GNB2: variants seen among roughly 807,000 people sequenced by gnomAD.
GNB2 encodes G protein subunit beta 2, also known as guanine nucleotide-binding protein G(I)/G(S)/G(T) subunit beta-2.
Under a neutral mutation model 40.7 loss-of-function variants are expected in GNB2, and 7 were observed. That is an observed-to-expected ratio of 0.17 (90% CI 0.10 to 0.32). The LOEUF (loss-of-function observed/expected upper bound fraction) is 0.32, where lower values mean the gene tolerates loss of function less well. Among genes scored for constraint, GNB2 ranks in the 10% least tolerant of loss-of-function variants. The probability of loss-of-function intolerance (pLI) is 1.00; values close to 1 mark genes in which losing one functional copy is unlikely to be tolerated. For missense variants in GNB2, 286 were observed against 473.0 expected, an observed-to-expected ratio of 0.60 and a Z score of 3.67; for synonymous variants, 254 against 191.2, an observed-to-expected ratio of 1.33 and a Z score of -2.71.
chr7:100,679,001 G>C lies in GNB2; in HGVS notation c.*200G>C, dbSNP rs565033701. 3.0e-4 allele frequency: 172 copies of C among 572,820 alleles called. 1 individual carries two copies. Among genetic ancestry groups the C allele is most frequent in the East Asian group, 8.2e-4 (29 of 35,446 alleles). 35.5% of individuals were successfully genotyped at this position (572,820 alleles called of 1,614,324 possible). A position where few individuals can be genotyped will look rare whatever the true frequency, so the allele number is the denominator to read the frequency against. On this transcript the variant is annotated 3_prime_UTR_variant, in exon 10 of 10. Transcript: ENST00000303210. ...AGGGGATGGAATGGGGGAAGAGGAGGAGCAGGAGGCCCTCATCCTTCTGCT... is the reference window on the plus strand; with the variant it reads ...AGGGGATGGAATGGGGGAAGAGGAGCAGCAGGAGGCCCTCATCCTTCTGCT...
In GNB2 at chr7:100,676,253, C is replaced by G. The variant is rs754864051; in HGVS notation, c.-13C>G. The stretch of plus-strand genomic sequence containing the variant: ...CCCAGCCGCCCCCAACCCTGCCCCA[C>G]GGGCCCGGCGCCATGAGTGAGCTGG... On this transcript the variant is annotated 5_prime_UTR_variant, in exon 2 of 10. Coordinates refer to ENST00000303210, the MANE Select transcript of GNB2 (RefSeq NM_005273.4). The G allele has an allele frequency of 6.3e-7, 1 of 1,590,764 alleles. No homozygotes were observed. The highest frequency in any genetic ancestry group is 1.7e-5 in the Admixed American group (1 of 57,930).
At chr7:100,676,438 A>G (rs1209966363) in intron 2 of GNB2, 97 bp from the exon 3 acceptor site, 1 of 1,323,124 alleles carries the variant, frequency 7.6e-7, no homozygotes, top group Admixed American at 1.7e-5. Flanking sequence ...ATGGCTCAGA[A>G]TCTGACCCTG....
Position 100,678,199 on chromosome 7 carries a change from T to C in GNB2, c.599T>C (p.Val200Ala). 8.1e-6 allele frequency: 13 copies of C among 1,613,966 alleles called. No individual in the cohort carries two copies. The highest frequency in any genetic ancestry group is 1.1e-5 in the Non-Finnish European group (13 of 1,179,836). ...LSLAPDGRTF[V>A]SGACDASIKL... ...CTGGCCCCCGATGGCCGCACGTTTG[T>C]GTCAGGCGCCTGTGATGCCTCTATC... is the stretch of plus-strand genomic sequence containing the variant. Residue 200 changes from valine to alanine, a missense_variant, in exon 8 of 10, where the codon GTG (valine) becomes GCG (alanine). Val to Ala is a moderately conservative substitution (Grantham distance 64). Transcript: ENST00000303210.
chr7:100,676,776 C>T lies in GNB2; in HGVS notation c.180C>T (p.Ala60=), dbSNP rs1336515391. ...GTGGGCACCTGGCAAAGATCTATGC[C>T]ATGCACTGGGGGACCGACTCAAGGT... The part of the protein sequence containing the change: ...TLRGHLAKIY[A]MHWGTDSRLL... The change falls in exon 4 of 10, where the codon GCC becomes GCT. Residue 60 remains alanine, a synonymous_variant. Coordinates refer to ENST00000303210, the MANE Select transcript of GNB2 (RefSeq NM_005273.4). 1.9e-6 allele frequency: 3 copies of T among 1,591,464 alleles called. No individual in the cohort carries two copies. Among genetic ancestry groups the T allele is most frequent in the South Asian group, 1.1e-5 (1 of 88,960 alleles).
chr7:100,678,392 C>T lies in GNB2; in HGVS notation c.700-6C>T, dbSNP rs369459358. On this transcript the variant is annotated splice_polypyrimidine_tract_variant and splice_region_variant and intron_variant, in intron 8 of 9. Transcript: ENST00000303210. ...CCTCACCCCATCTGGGTCCCGTGTC[C>T]TGCAGTTCTTCCCCAACGGCTACGC... 8.1e-6 allele frequency: 13 copies of T among 1,612,206 alleles called. No homozygotes were observed. Among genetic ancestry groups the T allele is most frequent in the East Asian group, 4.5e-5 (2 of 44,878 alleles).
chr7:100,676,440 C>T, intron 2 of GNB2, 95 bp from the exon 3 acceptor site: 1 of 1,312,272 alleles, frequency 7.6e-7, no homozygotes, highest in Non-Finnish European at 1.1e-6. Context: ...GGCTCAGAAT[C>T]TGACCCTGTC....
chr7:100,678,346 G>C (rs114089976), intron 8 of GNB2, 47 bp downstream of exon 8: 15 of 1,603,886 alleles, frequency 9.4e-6, no homozygotes, highest in African/African-American at 2.7e-5. Flanking sequence ...CCAGGCTCCC[G>C]GCCCTGCTCC....
chr7:100,676,214 CCCGT>C lies in GNB2; in HGVS notation c.-49_-46del. Reference sequence around the variant, plus strand: ...CGGCCAGGAGCTGCCTCCCCCAGCCCCCGTCCCGCGGCCCCCAGCCGCCCCCAAC... The same window carrying C: ...CGGCCAGGAGCTGCCTCCCCCAGCCCCCCGCGGCCCCCAGCCGCCCCCAAC... On this transcript the variant is annotated 5_prime_UTR_variant, in exon 2 of 10. Transcript: ENST00000303210. 2 of 1,168,486 alleles carry C rather than the reference CCCGT, an allele frequency of 1.7e-6. No homozygotes were observed. Among genetic ancestry groups the C allele is most frequent in the Non-Finnish European group, 2.5e-6 (2 of 809,170 alleles). The allele number at this position is 1,168,486 out of a possible 1,614,324, so 72.4% of individuals were successfully genotyped here. A position where few individuals can be genotyped will look rare whatever the true frequency, so the allele number is the denominator to read the frequency against.
rs192179616 is a variant in GNB2, at chr7:100,678,680, C to A, written c.917-15C>A. On this transcript the variant is annotated splice_polypyrimidine_tract_variant and intron_variant, in intron 9 of 9. Transcript: ENST00000303210. ...GCCCAGGCCCAATGGGTTCTGACTT[C>A]TCTCTTCTTCACAGGAGTCCTCGCT... 6.2e-7 allele frequency: 1 copy of A among 1,611,904 alleles called. No homozygotes were observed. The highest frequency in any genetic ancestry group is 1.7e-5 in the Admixed American group (1 of 60,002).
chr7:100,677,969 C>A (rs1804392409), intron 7 of GNB2, 129 bp from the exon 8 acceptor site: 1 of 1,016,756 alleles, frequency 9.8e-7, no homozygotes, highest in Admixed American at 2.0e-5. Context: ...CCCCTCCCCA[C>A]CTAAGGCTCT....
chr7:100,678,765 G>A lies in GNB2; in HGVS notation c.987G>A (p.Thr329=), dbSNP rs376511800. 38 of 1,613,480 alleles carry A rather than the reference G, an allele frequency of 2.4e-5. No homozygotes were observed. The African/African-American group carries it at 2.7e-4, about 11-fold the overall frequency. ...CCGACGATGGCATGGCTGTGGCCAC[G>A]GGCTCCTGGGACTCCTTCCTCAAGA... The part of the protein sequence containing the change: ...GVTDDGMAVA[T]GSWDSFLKIW... Residue 329 remains threonine, a synonymous_variant, in exon 10 of 10, where the codon ACG becomes ACA. Transcript: ENST00000303210.
chr7:100,676,608 G>C lies in GNB2; in HGVS notation c.96+35G>C, dbSNP rs756488674. 6 of 1,587,392 alleles carry C rather than the reference G, an allele frequency of 3.8e-6. No homozygotes were observed. In the Admixed American group the frequency reaches 8.3e-5, roughly 22 times the overall value. Reference sequence around the variant, plus strand: ...CTTGGTGGCCAGAGCGTAACTAGGGGTTGAAGGGGCAAGGATCAGAGGCCG... The same window carrying C: ...CTTGGTGGCCAGAGCGTAACTAGGGCTTGAAGGGGCAAGGATCAGAGGCCG... On this transcript the variant is annotated intron_variant, in intron 3 of 9. Transcript: ENST00000303210.
At chr7:100,678,070 C>T (rs766442414) in intron 7 of GNB2, 28 bp from the exon 8 acceptor site, 17 of 1,571,360 alleles carry the variant, frequency 1.1e-5, no homozygotes, top group Non-Finnish European at 1.3e-5. Context: ...TGTCTCTTAT[C>T]TTTTCTTTCT....
intron 1 of GNB2, among the ~76,000 whole-genome samples, chr7:100,674,204 TGGG>T (rs1405806136): frequency 6.6e-6 from 1 of 151,854 alleles, no homozygotes; most frequent in Non-Finnish European, 1.5e-5. Context: ...CCTCGGAAGT[TGGG>T]GGGCTAAATT....
intron 5 of GNB2, 29 bp downstream of exon 5, chr7:100,677,444 C>T (rs1456674548): frequency 6.2e-7 from 1 of 1,612,852 alleles, no homozygotes; most frequent in South Asian, 1.1e-5. Context: ...CGGGGTGGGG[C>T]AGGGCCACAG....
rs975465642 is a variant in GNB2 at position 100,676,164 on chromosome 7, C to T, written c.-89-13C>T. 96 of 680,382 alleles carry T rather than the reference C, an allele frequency of 1.4e-4. No homozygotes were observed. The African/African-American group carries it at 1.7e-3, about 12-fold the overall frequency. 42.1% of individuals were successfully genotyped at this position (680,382 alleles called of 1,614,324 possible). A position where few individuals can be genotyped will look rare whatever the true frequency, so the allele number is the denominator to read the frequency against. On this transcript the variant is annotated splice_polypyrimidine_tract_variant and intron_variant, in intron 1 of 9. Coordinates refer to ENST00000303210, the MANE Select transcript of GNB2 (RefSeq NM_005273.4). ...GGCGGCCTCGGGCCTGACGTCAGCC[C>T]TGCATCCCCCAGGCCTCGGGCCAGC...
rs750166554 is a variant in GNB2 at position 100,676,816 on chromosome 7, G to A, written c.203+17G>A. The A allele has an allele frequency of 3.5e-6, 5 of 1,448,804 alleles. No individual in the cohort carries two copies. Among genetic ancestry groups the A allele is most frequent in the Non-Finnish European group, 1.9e-6 (2 of 1,057,712 alleles). 89.7% of individuals were successfully genotyped at this position (1,448,804 alleles called of 1,614,324 possible). A position where few individuals can be genotyped will look rare whatever the true frequency, so the allele number is the denominator to read the frequency against. On this transcript the variant is annotated intron_variant, in intron 4 of 9. Transcript: ENST00000303210. Reference sequence around the variant, plus strand: ...CGACTCAAGGTGTGTGTGTGTGCGCGGGCTGGCGCTGTGGGCCGACTTTCT... The same window carrying A: ...CGACTCAAGGTGTGTGTGTGTGCGCAGGCTGGCGCTGTGGGCCGACTTTCT...
In GNB2 at chr7:100,676,269, A is replaced by T; in HGVS notation, c.4A>T (p.Ser2Cys). The T allele has an allele frequency of 6.2e-7, 1 of 1,604,306 alleles. No homozygotes were observed. Reference protein sequence around the residue: MSELEQLRQEAE... With the variant: MCELEQLRQEAE... ...CCTGCCCCACGGGCCCGGCGCCATG[A>T]GTGAGCTGGAGCAACTGAGACAGGA... Residue 2 changes from serine (S) to cysteine (C), a missense_variant, in exon 2 of 10, where the codon AGT (serine) becomes TGT (cysteine). Ser to Cys is a moderately radical substitution (Grantham distance 112). Coordinates refer to ENST00000303210, the MANE Select transcript of GNB2 (RefSeq NM_005273.4).
rs572863323 is a variant in GNB2 at position 100,673,796 on chromosome 7, C to A, written c.-217C>A. 3.9e-4 allele frequency: 70 copies of A among 181,776 alleles called. No homozygotes were observed. The highest frequency in any genetic ancestry group is 2.7e-3 in the East Asian group (18 of 6,548). The allele number at this position is 181,776 out of a possible 1,614,324, so 11.3% of individuals were successfully genotyped here. A position where few individuals can be genotyped will look rare whatever the true frequency, so the allele number is the denominator to read the frequency against. The stretch of plus-strand genomic sequence containing the variant: ...GGCAGCGCTGGCGGCGGGGCTGGGG[C>A]CACTGAGGAAATCCATCCGCGCCGC... On this transcript the variant is annotated 5_prime_UTR_variant, in exon 1 of 10. Transcript: ENST00000303210.
Sources: gnomAD v4.1 joint callset for allele counts (sites outside exome capture counted in the v4.1 genomes callset) on GRCh38, gnomAD v4.1.1 for gene constraint, MANE v1.5 for transcripts, NCBI Gene and HGNC (gene_info 2026-07-23, HGNC 2026-07-21) for gene names.